Variants in SPRING1 observed in about 807,000 individuals in gnomAD.
SPRING1 encodes SREBF pathway regulator in golgi 1, also known as SREBP regulating gene protein.
Under a neutral mutation model 24.7 loss-of-function variants are expected in SPRING1, and 14 were observed. That is an observed-to-expected ratio of 0.57 (90% CI 0.37 to 0.88). SPRING1 has a LOEUF of 0.88. SPRING1 is among the 40% of genes least tolerant of loss of function. SPRING1 has a pLI of 0.00. For synonymous variants in SPRING1, 93 were observed against 106.1 expected (o/e 0.88, Z 0.76); for missense variants, 255 against 268.4 (o/e 0.95, Z 0.35).
intron 1 of SPRING1, among the ~76,000 whole-genome samples, chr12:116,733,195 T>C (rs1283611325): frequency 6.6e-6 from 1 of 151,996 alleles, no homozygotes; most frequent in African/African-American, 2.4e-5. Flanking sequence ...TCTTAGTTTT[T>C]TTCTTTTCTG....
rs1869964272 is a variant in SPRING1, at chr12:116,713,556, A to G, written c.*4254T>C. On this transcript the variant is annotated 3_prime_UTR_variant, in exon 5 of 5. Coordinates refer to ENST00000261318, the MANE Select transcript of SPRING1 (RefSeq NM_024738.4). ...ATGACAAAAATGGACACTTCCATAC[A>G]CACTAGGTGAATATATTGGTGAAAA... The G allele has an allele frequency of 6.6e-6, 1 of 152,266 alleles. No individual in the cohort carries two copies. The highest frequency in any genetic ancestry group is 2.4e-5 in the African/African-American group (1 of 41,470). The allele number at this position is 152,266 out of a possible 1,614,324, so 9.4% of individuals were successfully genotyped here.
intron 1 of SPRING1, among the ~76,000 whole-genome samples, chr12:116,733,819 A>G (rs1871108512): frequency 6.6e-6 from 1 of 152,176 alleles, no homozygotes; most frequent in South Asian, 2.1e-4. Flanking sequence ...CTCATCCGCA[A>G]CAACTTCCAG....
Position 116,720,287 on chromosome 12 carries a change from TC to T in SPRING1, c.420+8del. 1 of 1,591,944 alleles carries T rather than the reference TC, an allele frequency of 6.3e-7. No homozygotes were observed. The highest frequency in any genetic ancestry group is 8.5e-7 in the Non-Finnish European group (1 of 1,172,990). ...AAGGAGCCGCAGAACCAGGATCAAC[TC>T]CCCATACCTTGTTGGGCTGCAGGCA... is the stretch of plus-strand genomic sequence containing the variant. On this transcript the variant is annotated splice_region_variant and intron_variant, in intron 3 of 4. Coordinates refer to ENST00000261318, the MANE Select transcript of SPRING1 (RefSeq NM_024738.4). This position sits in a 1 kb window ranked among gnomAD's most constrained non-coding sequence, Gnocchi z 4.0.
rs749151459 is a variant in SPRING1 at position 116,737,918 on chromosome 12, G to C, written c.-18C>G. The C allele has an allele frequency of 9.3e-6, 14 of 1,507,244 alleles. No homozygotes were observed. In the East Asian group the frequency reaches 3.9e-4, roughly 42 times the overall value. The allele number at this position is 1,507,244 out of a possible 1,614,324, so 93.4% of individuals were successfully genotyped here. ...TTCACCATCCCGGCGCGGACGTGGG[G>C]CGCGGCGGCCGGGGCGCGGAACGCG... On this transcript the variant is annotated 5_prime_UTR_variant, in exon 1 of 5. Coordinates refer to ENST00000261318, the MANE Select transcript of SPRING1 (RefSeq NM_024738.4).
intron 2 of SPRING1, among the ~76,000 whole-genome samples, chr12:116,721,229 T>G (rs1012809631): frequency 3.9e-5 from 6 of 152,178 alleles, no homozygotes; most frequent in African/African-American, 1.4e-4. Flanking sequence ...TACATCCTTC[T>G]GGGAATGGGA....
intron 1 of SPRING1, 44 bp downstream of exon 1, chr12:116,737,746 G>A: frequency 6.6e-7 from 1 of 1,515,770 alleles, no homozygotes; most frequent in Non-Finnish European, 8.9e-7. Context: ...GGGGGAGGAA[G>A]GAAGGAAGAA....
intron 1 of SPRING1, among the ~76,000 whole-genome samples, chr12:116,734,538 T>C (rs375561257): frequency 6.6e-6 from 1 of 152,284 alleles, no homozygotes; most frequent in East Asian, 1.9e-4. Context: ...TTCATCCCAG[T>C]TAAAAAGACT....
chr12:116,713,136 C>T lies in SPRING1; in HGVS notation c.*4674G>A, dbSNP rs943906787. 2 of 152,246 alleles carry T rather than the reference C, an allele frequency of 1.3e-5. No individual in the cohort carries two copies. Among genetic ancestry groups the T allele is most frequent in the African/African-American group, 4.8e-5 (2 of 41,458 alleles). 9.4% of individuals were successfully genotyped at this position (152,246 alleles called of 1,614,324 possible). ...CCTGGCCTCCCTCCACGAGTGCCCA[C>T]AGTACTGCCCTCCTCCCCACCTGTG... On this transcript the variant is annotated 3_prime_UTR_variant, in exon 5 of 5. Transcript: ENST00000261318.
rs1461584552 is a variant in SPRING1, at chr12:116,720,299, G to C, written c.417C>G (p.Asn139Lys). 13 of 1,608,440 alleles carry C rather than the reference G, an allele frequency of 8.1e-6. No homozygotes were observed. The highest frequency in any genetic ancestry group is 5.1e-5 in the Admixed American group (3 of 58,316). The change falls in exon 3 of 5, where the codon AAC becomes AAG. Residue 139 changes from asparagine (N) to lysine (K), a missense_variant. Coordinates refer to ENST00000261318, the MANE Select transcript of SPRING1 (RefSeq NM_024738.4). This position sits in a 1 kb window ranked among gnomAD's most constrained non-coding sequence, Gnocchi z 4.0. ...AACCAGGATCAACTCCCCATACCTT[G>C]TTGGGCTGCAGGCAGCAGGAGACAC... ...EYCVSCCLQP[N>K]KQLLLERFLN...
chr12:116,738,032 G>T lies in SPRING1; in HGVS notation c.-132C>A. Reference sequence around the variant, plus strand: ...CGCCGGCCCCGCCGCCCGCAGCCCAGTCTGCTCCCGGCAGCCTTGGGCGCA... The same window carrying T: ...CGCCGGCCCCGCCGCCCGCAGCCCATTCTGCTCCCGGCAGCCTTGGGCGCA... On this transcript the variant is annotated 5_prime_UTR_variant, in exon 1 of 5. It adds an upstream start codon to the 5' untranslated region. Coordinates refer to ENST00000261318, the MANE Select transcript of SPRING1 (RefSeq NM_024738.4). The T allele has an allele frequency of 9.1e-7, 1 of 1,099,322 alleles. No homozygotes were observed. Among genetic ancestry groups the T allele is most frequent in the Non-Finnish European group, 1.1e-6 (1 of 903,650 alleles). 68.1% of individuals were successfully genotyped at this position (1,099,322 alleles called of 1,614,324 possible).
chr12:116,713,421 A>G lies in SPRING1; in HGVS notation c.*4389T>C, dbSNP rs1316711940. The G allele has an allele frequency of 6.6e-6, 1 of 152,250 alleles. No homozygotes were observed. The highest frequency in any genetic ancestry group is 2.4e-5 in the African/African-American group (1 of 41,470). The allele number at this position is 152,250 out of a possible 1,614,324, so 9.4% of individuals were successfully genotyped here. A position where few individuals can be genotyped will look rare whatever the true frequency, so the allele number is the denominator to read the frequency against. On this transcript the variant is annotated 3_prime_UTR_variant, in exon 5 of 5. Transcript: ENST00000261318. ...CACCATATGTACATGATAAATGGCC[A>G]ATCAAAATAAGGAATGGGGCTCATT... is the stretch of plus-strand genomic sequence containing the variant.
intron 1 of SPRING1, among the ~76,000 whole-genome samples, chr12:116,726,292 T>C (rs985559727): frequency 6.6e-6 from 1 of 152,262 alleles, no homozygotes; most frequent in Non-Finnish European, 1.5e-5. Flanking sequence ...GAATAACTTG[T>C]AGTAAAATGC....
At chr12:116,733,133 G>C (rs1472464321) in intron 1 of SPRING1, among the ~76,000 whole-genome samples, 1 of 152,174 alleles carries the variant, frequency 6.6e-6, no homozygotes, top group Non-Finnish European at 1.5e-5. Context: ...GGGGGAGACA[G>C]GGATACTGGT....
In SPRING1 at chr12:116,737,704, G is replaced by C. The variant is rs182123762; in HGVS notation, c.111+86C>G. ...AGGGAGGAAGGAAAAAAGGAGGAAGGTAACGAAGGAAGGAAGGAGAAAGTA... is the reference window on the plus strand; with the variant it reads ...AGGGAGGAAGGAAAAAAGGAGGAAGCTAACGAAGGAAGGAAGGAGAAAGTA... On this transcript the variant is annotated intron_variant, in intron 1 of 4. Coordinates refer to ENST00000261318, the MANE Select transcript of SPRING1 (RefSeq NM_024738.4). 15 of 1,340,724 alleles carry C rather than the reference G, an allele frequency of 1.1e-5. No individual in the cohort carries two copies. The Middle Eastern group carries it at 7.3e-4, about 65-fold the overall frequency. 83.1% of individuals were successfully genotyped at this position (1,340,724 alleles called of 1,614,324 possible). A position where few individuals can be genotyped will look rare whatever the true frequency, so the allele number is the denominator to read the frequency against.
intron 4 of SPRING1, among the ~76,000 whole-genome samples, chr12:116,719,089 G>A (rs1484840356): frequency 1.3e-5 from 2 of 152,214 alleles, no homozygotes; most frequent in Non-Finnish European, 1.5e-5. Flanking sequence ...AAGTGTGCTT[G>A]TATAATAAAC....
chr12:116,718,734 T>C (rs1215082292), intron 4 of SPRING1, among the ~76,000 whole-genome samples: 1 of 152,244 alleles, frequency 6.6e-6, no homozygotes, highest in Non-Finnish European at 1.5e-5. Flanking sequence ...TCGCCTTTTC[T>C]AGCGTTTCTC....
chr12:116,718,572 T>A (rs1036974550), intron 4 of SPRING1, among the ~76,000 whole-genome samples: 1 of 152,250 alleles, frequency 6.6e-6, no homozygotes, highest in Non-Finnish European at 1.5e-5. Context: ...TATAGCCAAG[T>A]CTTCTCTTTC....
Position 116,715,544 on chromosome 12 carries a change from A to G in SPRING1, c.*2266T>C, listed in dbSNP as rs1009387462. 6.6e-6 allele frequency: 1 copy of G among 151,812 alleles called. No individual in the cohort carries two copies. Among genetic ancestry groups the G allele is most frequent in the Non-Finnish European group, 1.5e-5 (1 of 67,722 alleles). 9.4% of individuals were successfully genotyped at this position (151,812 alleles called of 1,614,324 possible). ...GATTGAAATACAAAAAACATATTCC[A>G]CAGCCAAATGAAAATGACTTTTGGA... On this transcript the variant is annotated 3_prime_UTR_variant, in exon 5 of 5. Coordinates refer to ENST00000261318, the MANE Select transcript of SPRING1 (RefSeq NM_024738.4).
chr12:116,721,249 G>A (rs900135703), intron 2 of SPRING1, among the ~76,000 whole-genome samples: 12 of 152,180 alleles, frequency 7.9e-5, no homozygotes, highest in African/African-American at 2.9e-4. Flanking sequence ...ACAGAAAAAT[G>A]TAAGGATAGG....
Sources: allele counts gnomAD v4.1 joint callset (sites outside exome capture counted in the v4.1 genomes callset), GRCh38; gene constraint gnomAD v4.1.1; non-coding constraint Gnocchi (gnomAD v3.1); transcripts MANE v1.5; gene names NCBI Gene and HGNC (gene_info 2026-07-23, HGNC 2026-07-21).